Variants in ROBO2 observed in about 807,000 individuals in gnomAD.
The protein encoded by ROBO2 is roundabout guidance receptor 2, also known as roundabout homolog 2.
ROBO2 carries 53 observed loss-of-function variants against 160.8 expected under a neutral mutation model. The ratio of observed to expected loss-of-function variants is 0.33; its 90% CI spans 0.26 to 0.41. The LOEUF (loss-of-function observed/expected upper bound fraction) is 0.41, where lower values mean the gene tolerates loss of function less well. Among genes scored for constraint, ROBO2 ranks in the 10% least tolerant of loss-of-function variants. The pLI is 1.00. For missense variants in ROBO2, 1,577 were observed against 1,722.4 expected (o/e 0.92, Z 1.49); for synonymous variants, 664 against 611.7 (o/e 1.09, Z -1.26).
At chr3:76,266,318 AATT>A (rs1485733527) in intron 2 of ROBO2, among the ~76,000 whole-genome samples, 1 of 152,138 alleles carries the variant, frequency 6.6e-6, no homozygotes, top group Non-Finnish European at 1.5e-5. Flanking sequence ...AGGGTTGACA[AATT>A]ATTATCCATT....
intron 2 of ROBO2, among the ~76,000 whole-genome samples, chr3:76,622,256 A>T (rs538186910): frequency 6.0e-5 from 4 of 66,784 alleles, no homozygotes; most frequent in Non-Finnish European, 9.2e-5. Flanking sequence ...GAAAGAAAGA[A>T]AGAAAGAAAG....
Position 77,528,092 on chromosome 3 carries a change from T to C in ROBO2, c.934+5190T>C, listed in dbSNP as rs144782794. Among the ~76,000 whole-genome samples, 137 of 151,760 alleles carry C rather than the reference T, an allele frequency of 9.0e-4. 1 individual carries two copies. Among genetic ancestry groups the C allele is most frequent in the African/African-American group, 3.3e-3 (135 of 41,498 alleles). Reference sequence around the variant, plus strand: ...TTGCAGATATTTAAGTGGTAATTATTTGTAAACATTTGGAAGATAAAATTT... The same window carrying C: ...TTGCAGATATTTAAGTGGTAATTATCTGTAAACATTTGGAAGATAAAATTT... On this transcript the variant is annotated intron_variant, in intron 6 of 25. Coordinates refer to ENST00000461745, the Ensembl canonical transcript of ROBO2.
intron 8 of ROBO2, among the ~76,000 whole-genome samples, chr3:77,555,168 C>A (rs2153656608): frequency 6.6e-6 from 1 of 151,788 alleles, no homozygotes; most frequent in African/African-American, 2.4e-5. Flanking sequence ...AAGGTATGAA[C>A]TTTTTTTTAG....
chr3:76,968,559 T>A (rs1438004705), intron 2 of ROBO2, among the ~76,000 whole-genome samples: 6 of 152,184 alleles, frequency 3.9e-5, no homozygotes. Context: ...ACAATTATTC[T>A]AGTTAAATGC....
At chr3:76,540,598 T>A (rs1340802639) in intron 2 of ROBO2, among the ~76,000 whole-genome samples, 1 of 152,170 alleles carries the variant, frequency 6.6e-6, no homozygotes, top group African/African-American at 2.4e-5. Context: ...GCTTAATATA[T>A]AAAACTTCTG....
intron 2 of ROBO2, among the ~76,000 whole-genome samples, chr3:76,676,261 T>C (rs953143861): frequency 2.6e-5 from 4 of 152,084 alleles, no homozygotes; most frequent in African/African-American, 9.7e-5. Flanking sequence ...GAGAGTGATT[T>C]CTCATGAGAT....
chr3:76,973,281 C>A (rs2059658283), intron 2 of ROBO2, among the ~76,000 whole-genome samples: 1 of 152,146 alleles, frequency 6.6e-6, no homozygotes, highest in African/African-American at 2.4e-5. Context: ...ACTCAGTGGG[C>A]AACATGCTTC....
In ROBO2 at chr3:76,654,905, ATG is replaced by A. The variant is rs200063198; in HGVS notation, c.110-443101_110-443100del. On this transcript the variant is annotated intron_variant, in intron 2 of 26. Coordinates refer to the ROBO2 transcript ENST00000487694. ...TATATACATATGCATGTGTGTACAT[ATG>A]TGTGTGTATATATATATATATTTAT... is the stretch of plus-strand genomic sequence containing the variant. Among the ~76,000 whole-genome samples, 258 of 128,242 alleles carry A rather than the reference ATG, an allele frequency of 2.0e-3. 1 individual carries two copies. The highest frequency in any genetic ancestry group is 7.4e-3 in the African/African-American group (251 of 33,850). The allele number at this position is 128,242 out of a possible 152,430, so 84.1% of individuals were successfully genotyped here.
chr3:76,329,426 C>A (rs975135739), intron 2 of ROBO2, among the ~76,000 whole-genome samples: 4 of 152,156 alleles, frequency 2.6e-5, no homozygotes, highest in African/African-American at 9.7e-5. Context: ...CCGTGTTGGC[C>A]GGGCTGGTCT....
chr3:76,272,938 AT>A (rs1707631787), intron 2 of ROBO2, among the ~76,000 whole-genome samples: 1 of 23,334 alleles, frequency 4.3e-5, no homozygotes, highest in Non-Finnish European at 1.4e-4. Context: ...TTATATATAA[AT>A]ATATAAAATA....
intron 23 of ROBO2, chr3:77,632,763 T>C (rs779070459): frequency 6.5e-5 from 64 of 987,116 alleles, no homozygotes; most frequent in Non-Finnish European, 8.4e-5. Context: ...TGTAGGGCTT[T>C]CTTTAATACG....
intron 2 of ROBO2, among the ~76,000 whole-genome samples, chr3:76,862,815 A>T (rs868261785): frequency 6.6e-6 from 1 of 152,060 alleles, no homozygotes; most frequent in Admixed American, 6.6e-5. Flanking sequence ...AAAAACAATA[A>T]TATTTTAGGG....
intron 2 of ROBO2, among the ~76,000 whole-genome samples, chr3:77,216,728 A>T (rs2085016006): frequency 1.3e-5 from 2 of 152,204 alleles, no homozygotes; most frequent in South Asian, 4.1e-4. Context: ...CACCCCACAA[A>T]TAATTTTTTT....
At chr3:77,559,325 C>T (rs2093241904) in intron 9 of ROBO2, among the ~76,000 whole-genome samples, 1 of 152,122 alleles carries the variant, frequency 6.6e-6, no homozygotes, top group African/African-American at 2.4e-5. Context: ...TGGAGGGCAC[C>T]TGTCCTCTAT....
chr3:77,070,624 G>A (rs76621323), intron 1 of ROBO2, among the ~76,000 whole-genome samples: 4 of 152,174 alleles, frequency 2.6e-5, no homozygotes, highest in Non-Finnish European at 5.9e-5. Flanking sequence ...TGCCAAGAGA[G>A]TTGTCAGCAA....
intron 2 of ROBO2, among the ~76,000 whole-genome samples, chr3:76,911,787 C>T (rs982242326): frequency 6.7e-6 from 1 of 148,296 alleles, no homozygotes; most frequent in African/African-American, 2.6e-5. Flanking sequence ...AAAAAGACAA[C>T]AATAACAACA....
At chr3:77,265,301 A>T (rs1320518820) in intron 2 of ROBO2, among the ~76,000 whole-genome samples, 2 of 152,154 alleles carry the variant, frequency 1.3e-5, no homozygotes, top group Non-Finnish European at 2.9e-5. Context: ...TTCACTGCCA[A>T]TCCACCCTTC....
Position 77,513,477 on chromosome 3 carries a change from T to A in ROBO2, c.807-9298T>A, listed in dbSNP as rs554193600. On this transcript the variant is annotated intron_variant, in intron 5 of 25. Transcript: ENST00000461745. ...TATGAGGAAAAAATAACATAGATTC[T>A]TTTATTTAAATTTGGAAATGATTTT... Among the ~76,000 whole-genome samples, 3 of 151,988 alleles carry A rather than the reference T, an allele frequency of 2.0e-5. No homozygotes were observed. The East Asian group carries it at 5.8e-4, about 29-fold the overall frequency.
intron 2 of ROBO2, among the ~76,000 whole-genome samples, chr3:76,986,962 C>T (rs1312819410): frequency 3.3e-5 from 5 of 152,014 alleles, no homozygotes; most frequent in South Asian, 2.1e-4. Context: ...CTAAAATGAA[C>T]GTGACATTAT....
Sources: allele counts gnomAD v4.1 joint callset (sites outside exome capture counted in the v4.1 genomes callset), GRCh38; gene constraint gnomAD v4.1.1; transcripts MANE v1.5; gene names NCBI Gene and HGNC (gene_info 2026-07-23, HGNC 2026-07-21).